The following COL25A1 variants were observed in gnomAD, a reference collection of about 807,000 sequenced individuals.
COL25A1 encodes the protein collagen type XXV alpha 1 chain.
A neutral mutation model predicts 128.4 loss-of-function variants in COL25A1; 103 were observed. That is an observed-to-expected ratio of 0.80 (90% confidence interval 0.68 to 0.94). COL25A1 has a LOEUF of 0.94. Ranked by LOEUF, COL25A1 falls within the 40% of genes least tolerant of loss-of-function variation. The pLI is 0.00. For synonymous variants in COL25A1, 279 were observed against 277.2 expected (o/e 1.01, Z -0.06); for missense variants, 745 against 840.0 (o/e 0.89, Z 1.40).
rs138305963 is a variant in COL25A1, at chr4:108,824,019, C to G, written c.1845+155G>C. The G allele has an allele frequency of 2.0e-4, 320 of 1,602,896 alleles. No individual in the cohort carries two copies. In the East Asian group the frequency reaches 7.0e-3, roughly 35 times the overall value. On this transcript the variant is annotated intron_variant, in intron 35 of 37. Transcript: ENST00000399132. ...TGGCAGTACAGCCTTCTTCATTCCT[C>G]TCTGAAGACCTGATTCCTTAAATCA...
intron 3 of COL25A1, among the ~76,000 whole-genome samples, chr4:109,097,726 C>T (rs756169601): frequency 8.4e-5 from 12 of 143,024 alleles, no homozygotes; most frequent in Non-Finnish European, 1.3e-4. Context: ...TGCAGTGGCG[C>T]GATCTTGGCT....
In COL25A1 at chr4:108,844,544, C is replaced by A; in HGVS notation, c.1604G>T (p.Gly535Val). Reference sequence around the variant, plus strand: ...CATGGGGCCAGGTGGGCCATGGGGACCTGGTGGGCCTGGTGGGCCTATGAT... The same window carrying A: ...CATGGGGCCAGGTGGGCCATGGGGAACTGGTGGGCCTGGTGGGCCTATGAT... ...PSIIGPPGPP[G>V]PHGPPGPMGP... The change falls in exon 30 of 38, where the codon GGT becomes GTT. Residue 535 changes from glycine (G) to valine (V), a missense_variant. Physicochemically the swap from Gly to Val is moderately radical, Grantham distance 109. This residue lies in a region of COL25A1 where 387 missense variants were observed against 441.9 expected (regional missense o/e 0.88). Transcript: ENST00000399132. The A allele has an allele frequency of 6.2e-7, 1 of 1,612,684 alleles. No individual in the cohort carries two copies. Among genetic ancestry groups the A allele is most frequent in the Non-Finnish European group, 8.5e-7 (1 of 1,179,472 alleles).
rs145275667 is a variant in COL25A1 at position 109,013,844 on chromosome 4, A to C, written c.421-3469T>G. On this transcript the variant is annotated intron_variant, in intron 5 of 37. Transcript: ENST00000399132. The stretch of plus-strand genomic sequence containing the variant: ...TTTAAGAACTGTAACACTCACCATG[A>C]GAATCCGTGGCTTCATTCTTGAAGT... 1.9e-3 allele frequency among the ~76,000 whole-genome samples: 283 copies of C among 152,298 alleles called. 1 individual carries two copies. Among genetic ancestry groups the C allele is most frequent in the African/African-American group, 6.7e-3 (277 of 41,558 alleles).
intron 3 of COL25A1, among the ~76,000 whole-genome samples, chr4:109,061,350 C>G (rs1179195768): frequency 3.3e-5 from 5 of 152,142 alleles, no homozygotes; most frequent in Non-Finnish European, 7.3e-5. Flanking sequence ...CAGGTTAACA[C>G]AGTTCAATTT....
At chr4:109,010,207 GGGTTTACTCCTGGGAA>G in intron 6 of COL25A1, 135 bp downstream of exon 6, 2 of 653,114 alleles carry the variant, frequency 3.1e-6, no homozygotes, top group Non-Finnish European at 5.2e-6. Context: ...GAGGCCCCAA[GGGTTTACTCCTGGGAA>G]ATATTTGGTC....
intron 35 of COL25A1, 70 bp downstream of exon 35, chr4:108,824,104 A>G (rs757997069): frequency 6.2e-7 from 1 of 1,613,954 alleles, no homozygotes; most frequent in South Asian, 1.1e-5. Flanking sequence ...ATGGAATCAC[A>G]CAAGCTGAAC....
At chr4:109,270,524 G>T (rs1560960136) in intron 3 of COL25A1, among the ~76,000 whole-genome samples, 1 of 152,126 alleles carries the variant, frequency 6.6e-6, no homozygotes, top group Non-Finnish European at 1.5e-5. Context: ...GGATGTGAAA[G>T]ATGCAAATTC....
At chr4:108,843,807 C>G (rs1212185096) in intron 30 of COL25A1, among the ~76,000 whole-genome samples, 1 of 152,068 alleles carries the variant, frequency 6.6e-6, no homozygotes, top group African/African-American at 2.4e-5. Context: ...ATACCTTATA[C>G]ATAAATGTTC....
intron 24 of COL25A1, among the ~76,000 whole-genome samples, chr4:108,853,678 C>A (rs541693852): frequency 6.6e-6 from 1 of 152,048 alleles, no homozygotes; most frequent in East Asian, 1.9e-4. Context: ...CCCCCCACCC[C>A]CTGACAGGCC....
At chr4:108,903,982 AATGACTG>A (rs1484856572) in intron 13 of COL25A1, among the ~76,000 whole-genome samples, 1 of 152,104 alleles carries the variant, frequency 6.6e-6, no homozygotes, top group Non-Finnish European at 1.5e-5. Context: ...TAGAGGAAAA[AATGACTG>A]AGAGCATTTT....
intron 3 of COL25A1, among the ~76,000 whole-genome samples, chr4:109,110,953 A>G (rs770599882): frequency 6.6e-6 from 1 of 152,150 alleles, no homozygotes; most frequent in Non-Finnish European, 1.5e-5. Context: ...TTTTCCTCCA[A>G]AGAAGTTCCA....
At chr4:109,144,735 C>A (rs1770765539) in intron 3 of COL25A1, among the ~76,000 whole-genome samples, 1 of 152,194 alleles carries the variant, frequency 6.6e-6, no homozygotes, top group Non-Finnish European at 1.5e-5. Flanking sequence ...AAGTCCATGG[C>A]CCACTCAGGG....
At chr4:109,138,868 T>C (rs574109528) in intron 3 of COL25A1, among the ~76,000 whole-genome samples, 2 of 152,000 alleles carry the variant, frequency 1.3e-5, no homozygotes, top group East Asian at 1.9e-4. Context: ...CCACCACGCC[T>C]GGCTAATTTT....
At position 109,300,083 on chromosome 4, in the gene COL25A1, G is replaced by C. The variant is rs573714033; in HGVS notation, c.367+500C>G. Among the ~76,000 whole-genome samples, 6 of 151,700 alleles carry C rather than the reference G, an allele frequency of 4.0e-5. No individual in the cohort carries two copies. The South Asian group carries it at 1.3e-3, about 32-fold the overall frequency. ...TTTCAGTCATCATCTCTAGCTATAG[G>C]ATAGGAGATGGAATCTTTTTAATAG... On this transcript the variant is annotated intron_variant, in intron 3 of 37. Coordinates refer to ENST00000399132, the MANE Select transcript of COL25A1 (RefSeq NM_198721.4).
chr4:108,877,886 T>G (rs1739645824), intron 19 of COL25A1, among the ~76,000 whole-genome samples: 1 of 152,196 alleles, frequency 6.6e-6, no homozygotes, highest in Non-Finnish European at 1.5e-5. Flanking sequence ...ATGTAATACA[T>G]AGCAAGAAAG....
At chr4:109,061,510 G>A (rs1218746861) in intron 3 of COL25A1, among the ~76,000 whole-genome samples, 1 of 152,170 alleles carries the variant, frequency 6.6e-6, no homozygotes, top group Non-Finnish European at 1.5e-5. Context: ...TCAGTGCTAT[G>A]ATGTATTTGG....
rs138204043 is a variant in COL25A1, at chr4:108,934,987, T to A, written c.708+2821A>T. Among the ~76,000 whole-genome samples, 491 of 152,326 alleles carry A rather than the reference T, an allele frequency of 3.2e-3. 3 individuals carry two copies. Among genetic ancestry groups the A allele is most frequent in the Non-Finnish European group, 3.9e-3 (263 of 68,032 alleles). On this transcript the variant is annotated intron_variant, in intron 11 of 37. Transcript: ENST00000399132. ...TGTCTTTGGCAACCTTTTAAGGCAG[T>A]CAGAGAGGGTATTATTATCCCTCCT... is the stretch of plus-strand genomic sequence containing the variant.
chr4:108,974,451 T>C (rs1752230850), intron 7 of COL25A1, 58 bp from the exon 8 acceptor site: 1 of 1,609,172 alleles, frequency 6.2e-7, no homozygotes, highest in South Asian at 1.1e-5. Context: ...TGATGTTCAT[T>C]AAAAAGATCA....
chr4:109,263,230 T>C (rs984767839), intron 3 of COL25A1, among the ~76,000 whole-genome samples: 3 of 152,066 alleles, frequency 2.0e-5, no homozygotes, highest in Non-Finnish European at 4.4e-5. Flanking sequence ...TGTTGGGGAG[T>C]TGCTAGAGAT....
Sources: allele counts gnomAD v4.1 joint callset (sites outside exome capture counted in the v4.1 genomes callset), GRCh38; gene constraint gnomAD v4.1.1; regional missense constraint gnomAD v4.1.1; transcripts MANE v1.5; gene names NCBI Gene and HGNC (gene_info 2026-07-23, HGNC 2026-07-21).